Variants in TMEM135 observed in about 807,000 individuals in gnomAD.
The protein encoded by TMEM135 is peroxisomal membrane protein 52.
A neutral mutation model predicts 60.3 loss-of-function variants in TMEM135; 30 were observed. The observed-to-expected ratio is 0.50, with a 90% CI of 0.37 to 0.68. The LOEUF (loss-of-function observed/expected upper bound fraction) is 0.68, where lower values mean the gene tolerates loss of function less well. TMEM135 is among the 30% of genes least tolerant of loss of function. The pLI is 0.00. For missense variants in TMEM135, 468 were observed against 548.8 expected (o/e 0.85, Z 1.47); for synonymous variants, 190 against 186.7 (o/e 1.02, Z -0.14).
intron 5 of TMEM135, among the ~76,000 whole-genome samples, chr11:87,232,061 A>G (rs1940900829): frequency 6.6e-6 from 1 of 151,480 alleles, no homozygotes. Context: ...AGCAATTGTC[A>G]TGTCTCAGTC....
At chr11:87,199,703 G>A (rs911316342) in intron 5 of TMEM135, among the ~76,000 whole-genome samples, 5 of 152,022 alleles carry the variant, frequency 3.3e-5, no homozygotes, top group African/African-American at 1.2e-4. Context: ...GCCGAGGCAG[G>A]CGTATCACCT....
At chr11:87,065,903 C>T (rs1027953699) in intron 1 of TMEM135, among the ~76,000 whole-genome samples, 6 of 152,212 alleles carry the variant, frequency 3.9e-5, no homozygotes, top group African/African-American at 1.4e-4. Context: ...TCATTTACCA[C>T]ACTGGCATAT....
intron 6 of TMEM135, among the ~76,000 whole-genome samples, chr11:87,289,100 A>C (rs12288301): frequency 0.51 from 78,275 of 152,128 alleles, 20,290 homozygotes; most frequent in African/African-American, 0.55. Context: ...GCAATGGAAA[A>C]AAATTCCATA....
Position 87,322,648 on chromosome 11 carries a change from G to T in TMEM135, c.*1315G>T, listed in dbSNP as rs1942842593. 4.4e-6 allele frequency: 2 copies of T among 453,454 alleles called. No individual in the cohort carries two copies. The highest frequency in any genetic ancestry group is 2.4e-5 in the Admixed American group (1 of 42,524). 28.1% of individuals were successfully genotyped at this position (453,454 alleles called of 1,614,324 possible). ...TTTTTAGGCCAGTGCAAATTATGCA[G>T]TAGAACTTGTGTTGCAAAAGGAATT... is the stretch of plus-strand genomic sequence containing the variant. On this transcript the variant is annotated 3_prime_UTR_variant, in exon 15 of 15. Transcript: ENST00000305494.
At chr11:87,302,199 C>T in intron 7 of TMEM135, 97 bp from the exon 8 acceptor site, 1 of 1,256,278 alleles carries the variant, frequency 8.0e-7, no homozygotes, top group Admixed American at 2.4e-5. Context: ...TGATAAAATA[C>T]TTGCCAAAGC....
At position 87,038,120 on chromosome 11, in the gene TMEM135, C is replaced by T; in HGVS notation, c.75C>T (p.Val25=). The T allele has an allele frequency of 1.2e-6, 2 of 1,614,182 alleles. No individual in the cohort carries two copies. The highest frequency in any genetic ancestry group is 1.7e-6 in the Non-Finnish European group (2 of 1,180,040). Residue 25 remains valine (V), a synonymous_variant, in exon 1 of 15, where the codon GTC becomes GTT. Transcript: ENST00000305494. ...ACACTTGGCACCCTTCCTGCCGGGTCTCCTTCCTGCAGATCACCGGGGGCG... is the reference window on the plus strand; with the variant it reads ...ACACTTGGCACCCTTCCTGCCGGGTTTCCTTCCTGCAGATCACCGGGGGCG... ...IGHTWHPSCR[V]SFLQITGGAL...
intron 5 of TMEM135, among the ~76,000 whole-genome samples, chr11:87,234,146 C>A (rs868638007): frequency 6.6e-6 from 1 of 151,960 alleles, no homozygotes; most frequent in Non-Finnish European, 1.5e-5. Context: ...TGGCTTTTCT[C>A]TTATAGTGTC....
rs778764034 is a variant in TMEM135 at position 87,318,124 on chromosome 11, G to T, written c.1078-13G>T. On this transcript the variant is annotated splice_polypyrimidine_tract_variant and intron_variant, in intron 12 of 14. Coordinates refer to ENST00000305494, the MANE Select transcript of TMEM135 (RefSeq NM_022918.4). Reference sequence around the variant, plus strand: ...TTTTTCTTTATAACTCTTGTCTTATGCTTGTTTTGCAGACAATGTATTTCA... The same window carrying T: ...TTTTTCTTTATAACTCTTGTCTTATTCTTGTTTTGCAGACAATGTATTTCA... The T allele has an allele frequency of 6.9e-6, 11 of 1,602,260 alleles. No homozygotes were observed. The highest frequency in any genetic ancestry group is 8.5e-6 in the Non-Finnish European group (10 of 1,170,730).
intron 6 of TMEM135, among the ~76,000 whole-genome samples, chr11:87,274,095 G>T (rs1043615711): frequency 6.6e-6 from 1 of 152,160 alleles, no homozygotes; most frequent in Admixed American, 6.6e-5. Flanking sequence ...TTTAGAGTGG[G>T]TTGAGTGGGT....
chr11:87,104,730 A>C (rs1229973086), intron 4 of TMEM135, among the ~76,000 whole-genome samples: 2 of 152,114 alleles, frequency 1.3e-5, no homozygotes, highest in Non-Finnish European at 2.9e-5. Context: ...GTTGAGTATT[A>C]GTGTATAAAA....
intron 5 of TMEM135, among the ~76,000 whole-genome samples, chr11:87,200,833 G>A (rs935126673): frequency 1.3e-5 from 2 of 152,066 alleles, no homozygotes; most frequent in Non-Finnish European, 2.9e-5. Flanking sequence ...TCATATTTTT[G>A]CCTTTTCCAA....
At chr11:87,123,569 A>T (rs537877865) in intron 4 of TMEM135, among the ~76,000 whole-genome samples, 1 of 120,698 alleles carries the variant, frequency 8.3e-6, no homozygotes, top group Non-Finnish European at 1.8e-5. Flanking sequence ...GAACCAACAT[A>T]CAATTTATCA....
At chr11:87,056,842 A>G (rs1291089103) in intron 1 of TMEM135, among the ~76,000 whole-genome samples, 2 of 152,236 alleles carry the variant, frequency 1.3e-5, no homozygotes, top group Non-Finnish European at 2.9e-5. Flanking sequence ...AGACTGGAAC[A>G]AATATGTATA....
intron 7 of TMEM135, among the ~76,000 whole-genome samples, chr11:87,297,364 G>T (rs1486819093): frequency 1.3e-5 from 2 of 152,166 alleles, no homozygotes; most frequent in Non-Finnish European, 1.5e-5. Flanking sequence ...GTCTTTGGTT[G>T]TGAGAACTCT....
At position 87,295,218 on chromosome 11, in the gene TMEM135, C is replaced by G. The variant is rs141285531; in HGVS notation, c.510-564C>G. Among the ~76,000 whole-genome samples the G allele has an allele frequency of 7.2e-3, 1,098 of 152,342 alleles. 8 individuals are homozygous for G. Among genetic ancestry groups the G allele is most frequent in the African/African-American group, 0.023 (940 of 41,582 alleles). On this transcript the variant is annotated intron_variant, in intron 6 of 14. Coordinates refer to ENST00000305494, the MANE Select transcript of TMEM135 (RefSeq NM_022918.4). ...AAATACCATTTAGAGTCCTGTCTTT[C>G]TGCTCTCCCCTCACCCCAACTCTGT... is the stretch of plus-strand genomic sequence containing the variant.
intron 5 of TMEM135, among the ~76,000 whole-genome samples, chr11:87,235,217 T>C (rs1940970284): frequency 6.6e-6 from 1 of 151,748 alleles, no homozygotes; most frequent in African/African-American, 2.4e-5. Flanking sequence ...AGTGAAATGG[T>C]AAAATGAACC....
At chr11:87,079,406 GTT>G (rs1591002417) in intron 3 of TMEM135, among the ~76,000 whole-genome samples, 1 of 152,114 alleles carries the variant, frequency 6.6e-6, no homozygotes, top group Non-Finnish European at 1.5e-5. Flanking sequence ...AGAGTATTAA[GTT>G]TTAAATTTCA....
chr11:87,147,111 C>T (rs1938436592), intron 4 of TMEM135, among the ~76,000 whole-genome samples: 3 of 152,246 alleles, frequency 2.0e-5, no homozygotes, highest in South Asian at 4.2e-4. Context: ...CACCTGAAGT[C>T]AGGAGTTCAA....
intron 6 of TMEM135, among the ~76,000 whole-genome samples, chr11:87,248,032 A>AAAAAG (rs1565501789): frequency 6.7e-6 from 1 of 149,066 alleles, no homozygotes; most frequent in Admixed American, 6.6e-5. Flanking sequence ...AAAAAAAAAA[A>AAAAAG]AAAAAGAAAA....
Sources: allele counts gnomAD v4.1 joint callset (sites outside exome capture counted in the v4.1 genomes callset), GRCh38; gene constraint gnomAD v4.1.1; transcripts MANE v1.5; gene names NCBI Gene and HGNC (gene_info 2026-07-23, HGNC 2026-07-21).